Variants in SSBP3 observed in about 807,000 individuals in gnomAD.
The protein encoded by SSBP3 is single stranded DNA binding protein 3, also known as single-stranded DNA-binding protein 3.
In SSBP3, 5 loss-of-function variants were observed where a neutral mutation model predicts 69.6. The observed-to-expected ratio is 0.07, with a 90% CI of 0.04 to 0.15. The LOEUF is 0.15. Ranked by LOEUF, SSBP3 falls within the 10% of genes least tolerant of loss-of-function variation. SSBP3 has a pLI of 1.00. For synonymous variants in SSBP3, 196 were observed against 193.4 expected (o/e 1.01, Z -0.11); for missense variants, 312 against 534.0 (o/e 0.58, Z 4.10).
At position 54,358,806 on chromosome 1, in the gene SSBP3, CAAAG is replaced by C. The variant is rs573286993; in HGVS notation, c.276+43051_276+43054del. Among the ~76,000 whole-genome samples the C allele has an allele frequency of 2.7e-3, 405 of 152,284 alleles. 2 individuals are homozygous for C. Among genetic ancestry groups the C allele is most frequent in the African/African-American group, 9.6e-3 (397 of 41,538 alleles). ...AATTCCGCCCACAGCTCTGAATAAT[CAAAG>C]AAATAACATTTAGGTAAGGTTGGGG... On this transcript the variant is annotated intron_variant, in intron 4 of 17. Coordinates refer to ENST00000610401, the Ensembl canonical transcript of SSBP3.
At chr1:54,386,857 C>T (rs575515816) in intron 4 of SSBP3, among the ~76,000 whole-genome samples, 19 of 151,242 alleles carry the variant, frequency 1.3e-4, no homozygotes, top group Admixed American at 1.2e-3. Context: ...CTCTACTTTC[C>T]GATCCCATCT....
At chr1:54,394,136 C>T (rs1333956421) in intron 4 of SSBP3, among the ~76,000 whole-genome samples, 2 of 152,178 alleles carry the variant, frequency 1.3e-5, no homozygotes, top group Non-Finnish European at 2.9e-5. Context: ...CATGTTTGCA[C>T]AGCTCGTAAC....
chr1:54,230,054 C>T (rs1398877919), intron 14 of SSBP3, among the ~76,000 whole-genome samples: 1 of 152,210 alleles, frequency 6.6e-6, no homozygotes, highest in South Asian at 2.1e-4. Context: ...GGCAGGGGTC[C>T]CACATGAGCA....
chr1:54,239,027 C>T lies in SSBP3; in HGVS notation c.927+102G>A, dbSNP rs1209232280. The stretch of plus-strand genomic sequence containing the variant: ...GGTTTATTTTATTCATCTTTGGTAA[C>T]AAATGGCTGAAATCAATTAAACTTG... On this transcript the variant is annotated intron_variant, in intron 14 of 17. Transcript: ENST00000610401. The T allele has an allele frequency of 3.2e-5, 31 of 968,592 alleles. No individual in the cohort carries two copies. The East Asian group carries it at 9.1e-4, about 28-fold the overall frequency. 60.0% of individuals were successfully genotyped at this position (968,592 alleles called of 1,614,324 possible).
At chr1:54,344,990 A>G (rs758709392) in intron 4 of SSBP3, among the ~76,000 whole-genome samples, 3 of 152,242 alleles carry the variant, frequency 2.0e-5, no homozygotes, top group African/African-American at 2.4e-5. Flanking sequence ...GAGGAGACGT[A>G]TAATTCAGAC....
At position 54,238,413 on chromosome 1, in the gene SSBP3, A is replaced by G. The variant is rs1253773086; in HGVS notation, c.927+716T>C. On this transcript the variant is annotated intron_variant, in intron 14 of 17. Coordinates refer to ENST00000610401, the Ensembl canonical transcript of SSBP3. ...CTGAACAGGTTCACCTGAGGCCTGC[A>G]TGGAGGAGGAAGGGAAGGAACTAGA... The G allele has an allele frequency of 1.4e-5, 6 of 436,578 alleles. No homozygotes were observed. The Admixed American group carries it at 1.6e-4, about 11-fold the overall frequency. The allele number at this position is 436,578 out of a possible 1,614,324, so 27.0% of individuals were successfully genotyped here.
intron 4 of SSBP3, among the ~76,000 whole-genome samples, chr1:54,397,068 G>A (rs181606416): frequency 8.5e-5 from 13 of 152,306 alleles, no homozygotes; most frequent in African/African-American, 3.1e-4. Context: ...GGGGAGAGGG[G>A]AAAAAGAAGT....
intron 14 of SSBP3, among the ~76,000 whole-genome samples, chr1:54,229,781 G>C (rs1192492268): frequency 2.0e-5 from 3 of 152,182 alleles, no homozygotes; most frequent in African/African-American, 7.2e-5. Flanking sequence ...ATGGAGGGCT[G>C]TTTGGCACCT....
intron 4 of SSBP3, among the ~76,000 whole-genome samples, chr1:54,360,495 G>T (rs1160739602): frequency 1.3e-5 from 2 of 152,028 alleles, no homozygotes; most frequent in Non-Finnish European, 2.9e-5. Flanking sequence ...GGGGCTCAGG[G>T]GTCCCCAGCC....
chr1:54,316,496 C>G (rs1223469813), intron 4 of SSBP3, among the ~76,000 whole-genome samples: 2 of 146,658 alleles, frequency 1.4e-5, no homozygotes, highest in Non-Finnish European at 3.0e-5. Context: ...AAAAAATTAG[C>G]CGGGCGCGGT....
At chr1:54,247,079 G>A (rs758676256) in intron 9 of SSBP3, among the ~76,000 whole-genome samples, 14 of 152,236 alleles carry the variant, frequency 9.2e-5, no homozygotes, top group African/African-American at 2.7e-4. Context: ...CATTCACAGG[G>A]GCCACTGTCT....
chr1:54,370,824 T>C (rs1031017159), intron 4 of SSBP3, among the ~76,000 whole-genome samples: 1 of 152,030 alleles, frequency 6.6e-6, no homozygotes, highest in African/African-American at 2.4e-5. Flanking sequence ...GTGGTGGCTG[T>C]GAGTGGTGGC....
chr1:54,304,450 A>T (rs929473745), intron 4 of SSBP3, among the ~76,000 whole-genome samples: 1 of 152,228 alleles, frequency 6.6e-6, no homozygotes, highest in Non-Finnish European at 1.5e-5. Flanking sequence ...TCTTCTGGGC[A>T]CAGGGCTAGC....
At chr1:54,362,454 G>C (rs1013349037) in intron 4 of SSBP3, among the ~76,000 whole-genome samples, 1 of 152,236 alleles carries the variant, frequency 6.6e-6, no homozygotes, top group African/African-American at 2.4e-5. Flanking sequence ...TGGAAAGACT[G>C]ACTTAGTGAG....
intron 4 of SSBP3, among the ~76,000 whole-genome samples, chr1:54,298,342 A>G (rs1377823490): frequency 1.3e-5 from 2 of 152,050 alleles, no homozygotes; most frequent in Admixed American, 6.5e-5. Flanking sequence ...AGAGGGGCAC[A>G]CTGACGAGGG....
intron 5 of SSBP3, among the ~76,000 whole-genome samples, chr1:54,260,751 A>ATGGGTAACAG (rs3835480): frequency 0.41 from 62,089 of 151,868 alleles, 12,825 homozygotes; most frequent in South Asian, 0.48. Flanking sequence ...TCTCTGGCTC[A>ATGGGTAACAG]TGGGGAACAA....
chr1:54,292,098 T>C (rs1232055960), intron 4 of SSBP3, among the ~76,000 whole-genome samples: 1 of 152,156 alleles, frequency 6.6e-6, no homozygotes, highest in African/African-American at 2.4e-5. Flanking sequence ...GACAGACCCT[T>C]CAGCCAAGAC....
intron 4 of SSBP3, among the ~76,000 whole-genome samples, chr1:54,397,223 C>A (rs1648957340): frequency 6.6e-6 from 1 of 152,256 alleles, no homozygotes; most frequent in Admixed American, 6.5e-5. Flanking sequence ...CTTTGCAGCC[C>A]AGCTGCAGGC....
chr1:54,341,374 CT>C (rs1169467806), intron 4 of SSBP3, among the ~76,000 whole-genome samples: 8 of 152,154 alleles, frequency 5.3e-5, no homozygotes, highest in Non-Finnish European at 1.2e-4. Context: ...ATATCCTGAC[CT>C]CACAGTGGGC....
Sources: allele counts gnomAD v4.1 joint callset (sites outside exome capture counted in the v4.1 genomes callset), GRCh38; gene constraint gnomAD v4.1.1; transcripts MANE v1.5; gene names NCBI Gene and HGNC (gene_info 2026-07-23, HGNC 2026-07-21).